PLA2R1: variants seen among roughly 807,000 people sequenced by gnomAD.
PLA2R1 encodes the protein phospholipase A2 receptor 1, also known as secretory phospholipase A2 receptor.
PLA2R1 carries 158 observed loss-of-function variants against 195.9 expected under a neutral mutation model. That is an observed-to-expected ratio of 0.81 (90% CI 0.71 to 0.92). The LOEUF (loss-of-function observed/expected upper bound fraction) is 0.92, where lower values mean the gene tolerates loss of function less well. Among genes scored for constraint, PLA2R1 ranks in the 40% least tolerant of loss-of-function variants. PLA2R1 has a pLI of 0.00. For missense variants in PLA2R1, 1,626 were observed against 1,764.6 expected, an observed-to-expected ratio of 0.92 and a Z score of 1.41; for synonymous variants, 586 against 598.2, an observed-to-expected ratio of 0.98 and a Z score of 0.30.
chr2:160,056,327 G>T (rs1490349921), intron 1 of PLA2R1, among the ~76,000 whole-genome samples: 1 of 152,138 alleles, frequency 6.6e-6, no homozygotes, highest in African/African-American at 2.4e-5. Flanking sequence ...TCTTATTGTG[G>T]TTTGCTGACA....
intron 18 of PLA2R1, among the ~76,000 whole-genome samples, chr2:159,969,927 G>T (rs1466784541): frequency 6.6e-6 from 1 of 152,188 alleles, no homozygotes; most frequent in Non-Finnish European, 1.5e-5. Context: ...GAGCAGGAAA[G>T]AAAGCTTTTG....
intron 11 of PLA2R1, among the ~76,000 whole-genome samples, chr2:159,991,186 T>C (rs1344644061): frequency 6.6e-6 from 1 of 152,208 alleles, no homozygotes; most frequent in Non-Finnish European, 1.5e-5. Context: ...CTTGCATCCC[T>C]CTGATCCTGT....
intron 25 of PLA2R1, among the ~76,000 whole-genome samples, chr2:159,948,755 T>C (rs912439754): frequency 6.6e-6 from 1 of 152,076 alleles, no homozygotes; most frequent in Non-Finnish European, 1.5e-5. Context: ...TAATCCTGAA[T>C]TGTTTTGATC....
rs771713798 is a variant in PLA2R1, at chr2:159,936,679, G to C, written c.*5099C>G. 6.6e-6 allele frequency: 1 copy of C among 152,116 alleles called. No individual in the cohort carries two copies. The highest frequency in any genetic ancestry group is 1.5e-5 in the Non-Finnish European group (1 of 68,030). 9.4% of individuals were successfully genotyped at this position (152,116 alleles called of 1,614,324 possible). On this transcript the variant is annotated 3_prime_UTR_variant, in exon 30 of 30. Coordinates refer to ENST00000283243, the MANE Select transcript of PLA2R1 (RefSeq NM_007366.5). ...TGACTAGTTCCAGCCAATGACACGC[G>C]AGTGGAAGTGCCACGTGTTTCTTCC...
In PLA2R1 at chr2:159,965,737, C is replaced by T. The variant is rs749881052; in HGVS notation, c.2904+1802G>A. On this transcript the variant is annotated intron_variant, in intron 20 of 29. Transcript: ENST00000283243. The stretch of plus-strand genomic sequence containing the variant: ...CTGCCAAACTGTCTCCCACAGTGGC[C>T]GTACCATTCTGCATTCCCACCAGGA... Among the ~76,000 whole-genome samples the T allele has an allele frequency of 4.6e-5, 7 of 152,234 alleles. No homozygotes were observed. In the East Asian group the frequency reaches 5.8e-4, roughly 13 times the overall value.
chr2:160,025,642 G>C (rs1693468702), intron 6 of PLA2R1, among the ~76,000 whole-genome samples: 2 of 115,714 alleles, frequency 1.7e-5, no homozygotes, highest in African/African-American at 6.7e-5. Flanking sequence ...TAAAGAGAAA[G>C]GAATTGAAAT....
intron 1 of PLA2R1, among the ~76,000 whole-genome samples, chr2:160,060,712 C>T (rs1695893358): frequency 1.3e-5 from 2 of 152,178 alleles, no homozygotes; most frequent in South Asian, 4.1e-4. Flanking sequence ...TTTGGTTCTG[C>T]TACATATAGA....
chr2:159,952,675 T>C (rs974608669), intron 23 of PLA2R1, among the ~76,000 whole-genome samples: 1 of 152,194 alleles, frequency 6.6e-6, no homozygotes, highest in Non-Finnish European at 1.5e-5. Context: ...CAAGAGATGA[T>C]GAGGGTCTCC....
chr2:160,024,185 G>C (rs1302834108), intron 6 of PLA2R1, among the ~76,000 whole-genome samples: 1 of 152,278 alleles, frequency 6.6e-6, no homozygotes, highest in Middle Eastern at 3.4e-3. Context: ...ACCACTGCTA[G>C]AATGTCATGT....
chr2:160,008,297 C>A (rs1692135091), intron 10 of PLA2R1, among the ~76,000 whole-genome samples: 2 of 152,158 alleles, frequency 1.3e-5, no homozygotes, highest in African/African-American at 4.8e-5. Flanking sequence ...TAGAGTGAGA[C>A]CCTGTCTCAA....
At chr2:159,930,243 C>T (rs568639475), downstream of PLA2R1, among the ~76,000 whole-genome samples, 1 of 152,204 alleles carries the variant, frequency 6.6e-6, no homozygotes, top group Admixed American at 6.5e-5. Context: ...CCCGTCTCTA[C>T]TAAAAATACA....
chr2:160,059,843 T>C (rs929529871), intron 1 of PLA2R1, among the ~76,000 whole-genome samples: 5 of 152,026 alleles, frequency 3.3e-5, no homozygotes, highest in Non-Finnish European at 7.4e-5. Context: ...CCATCAGAGG[T>C]TGTGAGACTT....
At chr2:160,059,902 A>G (rs976735087) in intron 1 of PLA2R1, among the ~76,000 whole-genome samples, 1 of 152,204 alleles carries the variant, frequency 6.6e-6, no homozygotes, top group African/African-American at 2.4e-5. Context: ...CCATAATTCA[A>G]TTACCTCCCC....
At chr2:159,979,223 T>C (rs1327752156) in intron 14 of PLA2R1, among the ~76,000 whole-genome samples, 1 of 152,182 alleles carries the variant, frequency 6.6e-6, no homozygotes, top group Admixed American at 6.5e-5. Context: ...CCCTGTCATT[T>C]TGAGAAAAAT....
At chr2:160,032,686 A>G (rs1192063860) in intron 4 of PLA2R1, among the ~76,000 whole-genome samples, 1 of 152,180 alleles carries the variant, frequency 6.6e-6, no homozygotes, top group Non-Finnish European at 1.5e-5. Context: ...AATCTTCCTG[A>G]TCCACTTGTT....
chr2:160,008,325 CA>C (rs1241217461), intron 10 of PLA2R1, among the ~76,000 whole-genome samples: 1 of 152,024 alleles, frequency 6.6e-6, no homozygotes, highest in Non-Finnish European at 1.5e-5. Flanking sequence ...AAAAACAAAA[CA>C]AAAAACCAGT....
intron 3 of PLA2R1, among the ~76,000 whole-genome samples, chr2:160,037,618 G>T (rs1694242829): frequency 6.6e-6 from 1 of 152,064 alleles, no homozygotes. Flanking sequence ...TTATTTTTTA[G>T]TTCTATTTAA....
At chr2:160,029,653 T>C (rs902343170) in intron 4 of PLA2R1, among the ~76,000 whole-genome samples, 1 of 152,142 alleles carries the variant, frequency 6.6e-6, no homozygotes, top group African/African-American at 2.4e-5. Flanking sequence ...CAGAAAGACA[T>C]AGTTATCAAA....
chr2:159,929,656 A>G (rs1686544751), downstream of PLA2R1, among the ~76,000 whole-genome samples: 1 of 152,182 alleles, frequency 6.6e-6, no homozygotes, highest in Non-Finnish European at 1.5e-5. Flanking sequence ...CTGGCTGTCT[A>G]CCCAGAGGAA....
Sources: gnomAD v4.1 joint callset for allele counts (sites outside exome capture counted in the v4.1 genomes callset) on GRCh38, gnomAD v4.1.1 for gene constraint, MANE v1.5 for transcripts, NCBI Gene and HGNC (gene_info 2026-07-23, HGNC 2026-07-21) for gene names.